RALGAPA2: variants seen among roughly 807,000 people sequenced by gnomAD.
RALGAPA2 encodes ral GTPase-activating protein subunit alpha-2.
Under a neutral mutation model 230.4 loss-of-function variants are expected in RALGAPA2, and 139 were observed. The ratio of observed to expected loss-of-function variants is 0.60; its 90% CI spans 0.53 to 0.69. The LOEUF (loss-of-function observed/expected upper bound fraction) is 0.69. Among genes scored for constraint, RALGAPA2 ranks in the 30% least tolerant of loss-of-function variants. The probability of loss-of-function intolerance (pLI) is 0.00; values close to 1 mark genes in which losing one functional copy is unlikely to be tolerated. For synonymous variants in RALGAPA2, 847 were observed against 837.8 expected (o/e 1.01, Z -0.19); for missense variants, 2,163 against 2,276.0 (o/e 0.95, Z 1.01).
chr20:20,594,116 T>G (rs1395775764), intron 16 of RALGAPA2, among the ~76,000 whole-genome samples: 3 of 152,212 alleles, frequency 2.0e-5, no homozygotes, highest in South Asian at 4.1e-4. Flanking sequence ...TACCTACTCC[T>G]GTAGTTGACT....
rs191203265 is a variant in RALGAPA2, at chr20:20,631,406, G to T, written c.1006-1816C>A. ...ACATAACAGATGTGATTAAGTTAAG[G>T]ATGTTGGGATAGAAAAATTATTTTG... On this transcript the variant is annotated intron_variant, in intron 9 of 39. Transcript: ENST00000202677. 1.0e-3 allele frequency among the ~76,000 whole-genome samples: 159 copies of T among 152,352 alleles called. 1 individual carries two copies. The highest frequency in any genetic ancestry group is 3.7e-3 in the African/African-American group (152 of 41,580).
chr20:20,476,546 A>G (rs1230954483), intron 36 of RALGAPA2, among the ~76,000 whole-genome samples: 1 of 151,908 alleles, frequency 6.6e-6, no homozygotes, highest in Non-Finnish European at 1.5e-5. Context: ...TCACACACAA[A>G]AATTGAGAGG....
At chr20:20,497,208 CT>C (rs1405998598) in intron 35 of RALGAPA2, among the ~76,000 whole-genome samples, 1 of 152,176 alleles carries the variant, frequency 6.6e-6, no homozygotes. Flanking sequence ...TTTGCTACAG[CT>C]TTTTTCTTTT....
intron 37 of RALGAPA2, among the ~76,000 whole-genome samples, chr20:20,444,195 G>A (rs995221092): frequency 6.6e-6 from 1 of 152,118 alleles, no homozygotes; most frequent in Admixed American, 6.5e-5. Context: ...CCACAGAATG[G>A]GACAGAAGGA....
intron 4 of RALGAPA2, among the ~76,000 whole-genome samples, chr20:20,652,672 G>T (rs1181564528): frequency 6.6e-6 from 1 of 152,188 alleles, no homozygotes; most frequent in Non-Finnish European, 1.5e-5. Flanking sequence ...TACGGCAGGG[G>T]ATTGAAGGAG....
chr20:20,630,862 A>G (rs554510334), intron 9 of RALGAPA2, among the ~76,000 whole-genome samples: 5 of 152,290 alleles, frequency 3.3e-5, no homozygotes, highest in African/African-American at 1.2e-4. Context: ...AAAGTCTCTT[A>G]TGGCTCAATA....
At chr20:20,638,244 T>G (rs73294788) in intron 7 of RALGAPA2, among the ~76,000 whole-genome samples, 1,701 of 152,286 alleles carry the variant, frequency 0.011, 29 homozygotes, top group African/African-American at 0.039. Context: ...AGCCCTTAGA[T>G]AAGACCTGTT....
At chr20:20,677,629 ATTTTTTTTTTTTTTTTT>A (rs758379115) in intron 2 of RALGAPA2, among the ~76,000 whole-genome samples, 10 of 64,284 alleles carry the variant, frequency 1.6e-4, no homozygotes, top group African/African-American at 4.4e-4. Flanking sequence ...GATTTGACCC[ATTTTTTTTTTTTTTTTT>A]TTTTTTTTTT....
rs376317582 is a variant in RALGAPA2 at position 20,602,268 on chromosome 20, C to G, written c.2039-422G>C. On this transcript the variant is annotated intron_variant, in intron 15 of 39. Coordinates refer to ENST00000202677, the MANE Select transcript of RALGAPA2 (RefSeq NM_020343.4). ...CTGCATCCTGTAGACACCAACCCCT[C>G]CACAAATCCCCAGAGCAATCCATGC... Among the ~76,000 whole-genome samples the G allele has an allele frequency of 3.3e-5, 5 of 152,204 alleles. No homozygotes were observed. The East Asian group carries it at 7.7e-4, about 23-fold the overall frequency.
At chr20:20,433,201 T>C (rs1220069235) in intron 37 of RALGAPA2, among the ~76,000 whole-genome samples, 2 of 152,206 alleles carry the variant, frequency 1.3e-5, no homozygotes, top group African/African-American at 4.8e-5. Flanking sequence ...CACAAAATCC[T>C]ATGAAGAAAG....
At chr20:20,707,674 C>T (rs561113227) in intron 1 of RALGAPA2, among the ~76,000 whole-genome samples, 20 of 152,178 alleles carry the variant, frequency 1.3e-4, no homozygotes, top group African/African-American at 4.6e-4. Context: ...TTGTGAGAGA[C>T]GGTTCTCTAC....
Position 20,531,727 on chromosome 20 carries a change from T to G in RALGAPA2, c.3542A>C (p.Gln1181Pro). ...TATCACATTGATGGCCTCTTTCACC[T>G]GAGGGTGGCTTGTACACTGTGCAAG... ...EELAQCTSHP[Q>P]VKEAINVIGV... The change falls in exon 27 of 40, where the codon CAG becomes CCG. Residue 1181 changes from glutamine (Q) to proline (P), a missense_variant. By Grantham distance (76) the Gln-to-Pro change is moderately conservative. Transcript: ENST00000202677. The G allele has an allele frequency of 6.2e-7, 1 of 1,608,878 alleles. No homozygotes were observed.
chr20:20,652,582 G>T (rs1274206160), intron 4 of RALGAPA2, among the ~76,000 whole-genome samples: 2 of 152,212 alleles, frequency 1.3e-5, no homozygotes, highest in Admixed American at 6.5e-5. Flanking sequence ...AACAGAGTTA[G>T]ATTCCATCAT....
chr20:20,444,880 A>C (rs2060824594), intron 37 of RALGAPA2, among the ~76,000 whole-genome samples: 1 of 152,224 alleles, frequency 6.6e-6, no homozygotes, highest in South Asian at 2.1e-4. Flanking sequence ...TTTAAACTGC[A>C]CACTGTCTGT....
rs1287946770 is a variant in RALGAPA2, at chr20:20,512,661, G to A, written c.4708C>T (p.Gln1570Ter). The A allele has an allele frequency of 6.2e-7, 1 of 1,613,958 alleles. No homozygotes were observed. The highest frequency in any genetic ancestry group is 1.1e-5 in the South Asian group (1 of 91,084). The change falls in exon 32 of 40, where the codon CAA becomes TAA. Residue 1570 changes from glutamine (Q) to a stop codon, truncating the protein, a stop_gained. Coordinates refer to ENST00000202677, the MANE Select transcript of RALGAPA2 (RefSeq NM_020343.4). LOFTEE classifies it high-confidence loss of function. The stretch of plus-strand genomic sequence containing the variant: ...TGACTCTGGATATACTCATCCTCTT[G>A]AGCATTTTGGCGCAAAATGACCTCA... ...IIEVILRQNA[Q>*]EDEYIQSHNF...
chr20:20,543,232 A>T (rs1002532155), intron 24 of RALGAPA2, among the ~76,000 whole-genome samples: 2 of 151,962 alleles, frequency 1.3e-5, no homozygotes, highest in African/African-American at 4.8e-5. Flanking sequence ...TTTTTATTAG[A>T]GGCGGGGTTT....
At chr20:20,501,884 G>A (rs150958055) in intron 35 of RALGAPA2, among the ~76,000 whole-genome samples, 1 of 152,120 alleles carries the variant, frequency 6.6e-6, no homozygotes, top group Non-Finnish European at 1.5e-5. Context: ...GAAGGCCCAA[G>A]GAGCGGAAGA....
chr20:20,712,615 C>G lies in RALGAPA2; in HGVS notation c.-135G>C, dbSNP rs923757589. 1 of 1,189,924 alleles carries G rather than the reference C, an allele frequency of 8.4e-7. No individual in the cohort carries two copies. The highest frequency in any genetic ancestry group is 4.0e-5 in the East Asian group (1 of 25,018). 73.7% of individuals were successfully genotyped at this position (1,189,924 alleles called of 1,614,324 possible). A position where few individuals can be genotyped will look rare whatever the true frequency, so the allele number is the denominator to read the frequency against. On this transcript the variant is annotated 5_prime_UTR_variant, in exon 1 of 40. Transcript: ENST00000202677. The surrounding 1 kb of genome is among the most constrained non-coding windows in gnomAD (Gnocchi z 5.5). The stretch of plus-strand genomic sequence containing the variant: ...CCAGCCCCGCTGCTGCCGCCGCCGC[C>G]GCCGCCGCCGCCGCCTCAGCTGTGT...
chr20:20,520,173 T>G (rs906075771), intron 31 of RALGAPA2, among the ~76,000 whole-genome samples: 1 of 152,160 alleles, frequency 6.6e-6, no homozygotes, highest in Non-Finnish European at 1.5e-5. Flanking sequence ...AATATCACAG[T>G]CAGGAAGTTG....
Sources: gnomAD v4.1 joint callset for allele counts (sites outside exome capture counted in the v4.1 genomes callset) on GRCh38, gnomAD v4.1.1 for gene constraint, Gnocchi (gnomAD v3.1) non-coding constraint, MANE v1.5 for transcripts, NCBI Gene and HGNC (gene_info 2026-07-23, HGNC 2026-07-21) for gene names.